ZNF732: variants seen among roughly 807,000 people sequenced by gnomAD.
The protein encoded by ZNF732 is zinc finger protein 732, also known as zinc finger protein LOC654254.
Under a neutral mutation model 11.5 loss-of-function variants are expected in ZNF732, and 12 were observed. That is an observed-to-expected ratio of 1.05 (90% CI 0.67 to 1.70). ZNF732 has a LOEUF of 1.70. Ranked by LOEUF, ZNF732 falls within the 40% of genes most tolerant of loss-of-function variation. ZNF732 has a pLI of 0.00. For missense variants in ZNF732, 702 were observed against 676.9 expected (o/e 1.04, Z -0.41); for synonymous variants, 231 against 236.5 (o/e 0.98, Z 0.21).
intron 1 of ZNF732, among the ~76,000 whole-genome samples, chr4:302,198 T>C (rs151264175): frequency 6.6e-4 from 100 of 152,292 alleles, no homozygotes; most frequent in African/African-American, 2.2e-3. Context: ...TTCTCTAAAG[T>C]GAAGCCTAGA....
At chr4:292,888 C>CAA (rs1560162522) in intron 3 of ZNF732, among the ~76,000 whole-genome samples, 2 of 34,562 alleles carry the variant, frequency 5.8e-5, no homozygotes, top group South Asian at 9.5e-4. Flanking sequence ...CTACTAAAAA[C>CAA]ACAAAAAAAA....
chr4:287,569 G>A (rs1553840764), intron 3 of ZNF732, among the ~76,000 whole-genome samples: 1 of 151,956 alleles, frequency 6.6e-6, no homozygotes, highest in African/African-American at 2.4e-5. Context: ...ATTGTCAAAT[G>A]ACAATACTAC....
At chr4:280,618 A>T (rs978190660) in intron 3 of ZNF732, among the ~76,000 whole-genome samples, 25 of 152,256 alleles carry the variant, frequency 1.6e-4, no homozygotes, top group African/African-American at 5.8e-4. Flanking sequence ...CTGAAAAAGG[A>T]AATTTATGGG....
In ZNF732 at chr4:305,398, C is replaced by T; in HGVS notation, c.-88G>A. The T allele has an allele frequency of 1.3e-6, 2 of 1,579,368 alleles. No individual in the cohort carries two copies. Among genetic ancestry groups the T allele is most frequent in the South Asian group, 2.2e-5 (2 of 90,252 alleles). On this transcript the variant is annotated 5_prime_UTR_variant, in exon 1 of 4. Transcript: ENST00000419098. ...GAGCGACGGAGGCTGAGGCTGTGAC[C>T]GAATCACCGACGCCTCCCTGAGGGG...
chr4:297,607 T>TAAAAAA (rs57681246), intron 1 of ZNF732, among the ~76,000 whole-genome samples: 237 of 100,968 alleles, frequency 2.3e-3, no homozygotes, highest in South Asian at 0.019. Flanking sequence ...TTAAGATTTG[T>TAAAAAA]AAAAAAAAAA....
At chr4:283,321 C>T (rs1719654167) in intron 3 of ZNF732, among the ~76,000 whole-genome samples, 1 of 152,036 alleles carries the variant, frequency 6.6e-6, no homozygotes, top group Admixed American at 6.6e-5. Flanking sequence ...AACTAAAACA[C>T]TCGCGAAATG....
At chr4:296,999 G>A (rs1400380285) in intron 1 of ZNF732, among the ~76,000 whole-genome samples, 2 of 152,190 alleles carry the variant, frequency 1.3e-5, no homozygotes, top group Non-Finnish European at 2.9e-5. Context: ...TCCAGGGGTG[G>A]TGGCTCATGC....
intron 3 of ZNF732, among the ~76,000 whole-genome samples, chr4:294,073 C>A (rs1719898766): frequency 6.6e-6 from 1 of 152,186 alleles, no homozygotes; most frequent in Non-Finnish European, 1.5e-5. Flanking sequence ...ATGATCTCAG[C>A]TCAGTGCAAC....
intron 3 of ZNF732, among the ~76,000 whole-genome samples, chr4:282,371 A>C (rs1234697682): frequency 4.6e-5 from 7 of 152,148 alleles, no homozygotes; most frequent in African/African-American, 1.7e-4. Flanking sequence ...AATAAAATAA[A>C]ATAAAGATTT....
intron 1 of ZNF732, among the ~76,000 whole-genome samples, chr4:301,051 G>A (rs1219454067): frequency 6.6e-6 from 1 of 152,164 alleles, no homozygotes; most frequent in Non-Finnish European, 1.5e-5. Flanking sequence ...CAACAAGTGG[G>A]CGAAGGATAT....
In ZNF732 at chr4:275,809, GAA is replaced by G. The variant is rs2108652611; in HGVS notation, c.227-3181_227-3180del. ...ATGACATTATACAACAAAAAGTCAC[GAA>G]GAGACAAACTATATGAATCAACTTA... On this transcript the variant is annotated intron_variant, in intron 3 of 3. Coordinates refer to ENST00000419098, the MANE Select transcript of ZNF732 (RefSeq NM_001137608.3). Among the ~76,000 whole-genome samples, 3 of 151,602 alleles carry G rather than the reference GAA, an allele frequency of 2.0e-5. 1 individual carries two copies. Among genetic ancestry groups the G allele is most frequent in the Admixed American group, 2.0e-4 (3 of 15,240 alleles).
chr4:295,996 G>A, intron 2 of ZNF732, 33 bp downstream of exon 2: 1 of 1,602,810 alleles, frequency 6.2e-7, no homozygotes, highest in East Asian at 2.2e-5. Context: ...CCCTGAGGGA[G>A]TATTAGGAAT....
intron 1 of ZNF732, among the ~76,000 whole-genome samples, chr4:299,694 C>CTT (rs1268663238): frequency 3.7e-4 from 43 of 117,692 alleles, no homozygotes; most frequent in Non-Finnish European, 6.1e-4. Context: ...AATATATATA[C>CTT]TTTTTTTTTT....
intron 3 of ZNF732, among the ~76,000 whole-genome samples, chr4:274,002 A>T (rs1719443293): frequency 6.6e-6 from 1 of 151,838 alleles, no homozygotes. Context: ...TACCAAAAAA[A>T]TGCTCAAGAA....
At position 272,018 on chromosome 4, in the gene ZNF732, C is replaced by A. The variant is rs141070128; in HGVS notation, c.839G>T (p.Cys280Phe). 645 of 1,609,872 alleles carry A rather than the reference C, an allele frequency of 4.0e-4. 2 individuals are homozygous for A. The African/African-American group carries it at 7.7e-3, about 19-fold the overall frequency. The stretch of plus-strand genomic sequence containing the variant: ...GGTAATGATTTTGCCACATTCTTCA[C>A]ATGTGAAGGGTTTCTCTTCAGCATG... ...RIHAEEKPFT[C>F]EECGKIITSS... is the part of the protein sequence containing the mutation. The change falls in exon 4 of 4, where the codon TGT (cysteine) becomes TTT (phenylalanine). Residue 280 changes from cysteine to phenylalanine, a missense_variant. Cys to Phe is a radical substitution (Grantham distance 205). This residue lies in a region of ZNF732 where 596 missense variants were observed against 557.9 expected (regional missense o/e 1.07). Transcript: ENST00000419098.
intron 1 of ZNF732, among the ~76,000 whole-genome samples, chr4:298,414 C>A (rs563646633): frequency 1.1e-3 from 166 of 146,326 alleles, no homozygotes; most frequent in African/African-American, 3.8e-3. Flanking sequence ...TCTCACTTTT[C>A]ACCAAAAAAA....
chr4:295,986 C>T (rs1719942102), intron 2 of ZNF732, 43 bp downstream of exon 2: 2 of 1,595,316 alleles, frequency 1.3e-6, no homozygotes, highest in Non-Finnish European at 1.7e-6. Context: ...AAATAAAACT[C>T]CCTGAGGGAG....
intron 3 of ZNF732, among the ~76,000 whole-genome samples, chr4:275,401 A>T (rs1218384395): frequency 6.6e-6 from 1 of 150,876 alleles, no homozygotes; most frequent in Non-Finnish European, 1.5e-5. Flanking sequence ...TAGAAACAAC[A>T]ATTCCCATAT....
intron 1 of ZNF732, among the ~76,000 whole-genome samples, chr4:296,358 G>A (rs189435661): frequency 6.6e-6 from 1 of 151,964 alleles, no homozygotes; most frequent in Non-Finnish European, 1.5e-5. Context: ...TAAAAATAAC[G>A]GGCTACACTG....
Sources: allele counts gnomAD v4.1 joint callset (sites outside exome capture counted in the v4.1 genomes callset), GRCh38; gene constraint gnomAD v4.1.1; regional missense constraint gnomAD v4.1.1; transcripts MANE v1.5; gene names NCBI Gene and HGNC (gene_info 2026-07-23, HGNC 2026-07-21).